The following CNOT4 variants were observed in gnomAD, a reference collection of about 807,000 sequenced individuals.
The protein encoded by CNOT4 is CCR4-associated factor 4.
A neutral mutation model predicts 73.8 loss-of-function variants in CNOT4; 8 were observed. That is an observed-to-expected ratio of 0.11 (90% CI 0.06 to 0.20). The LOEUF is 0.20. CNOT4 is among the 10% of genes least tolerant of loss of function. The pLI, the probability that CNOT4 is intolerant of heterozygous loss-of-function variation, is 1.00. For missense variants in CNOT4, 564 were observed against 883.4 expected (o/e 0.64, Z 4.58); for synonymous variants, 293 against 321.1 (o/e 0.91, Z 0.94).
chr7:135,468,203 G>A (rs1044000806), intron 1 of CNOT4, among the ~76,000 whole-genome samples: 2 of 151,616 alleles, frequency 1.3e-5, no homozygotes, highest in Non-Finnish European at 2.9e-5. Context: ...GCGACAGAGC[G>A]AGACTCTGTC....
At chr7:135,370,932 G>A (rs893721802) in intron 10 of CNOT4, among the ~76,000 whole-genome samples, 2 of 152,100 alleles carry the variant, frequency 1.3e-5, no homozygotes, top group Admixed American at 6.6e-5. Context: ...CTTTTAAAAA[G>A]TCCAACGCAT....
rs1463519767 is a variant in CNOT4 at position 135,422,373 on chromosome 7, A to G, written c.175-20T>C. The G allele has an allele frequency of 2.6e-6, 3 of 1,141,770 alleles. No individual in the cohort carries two copies. The highest frequency in any genetic ancestry group is 4.0e-6 in the Non-Finnish European group (3 of 755,968). 70.7% of individuals were successfully genotyped at this position (1,141,770 alleles called of 1,614,324 possible). A position where few individuals can be genotyped will look rare whatever the true frequency, so the allele number is the denominator to read the frequency against. ...ATATGGCTTTAAGCATGAAACAAAC[A>G]TAGACGTTAGCATTAAATTAATTAA... On this transcript the variant is annotated intron_variant, in intron 2 of 11. Transcript: ENST00000541284.
intron 3 of CNOT4, among the ~76,000 whole-genome samples, chr7:135,419,800 T>TG (rs1194616532): frequency 6.6e-6 from 1 of 151,566 alleles, no homozygotes; most frequent in African/African-American, 2.4e-5. Context: ...CCCAGCACTT[T>TG]GGGGGGCCGA....
chr7:135,433,929 G>A (rs1203234589), intron 2 of CNOT4, among the ~76,000 whole-genome samples: 2 of 152,132 alleles, frequency 1.3e-5, no homozygotes, highest in Non-Finnish European at 2.9e-5. Flanking sequence ...AGGACCAAAC[G>A]GGAACACTAA....
intron 2 of CNOT4, among the ~76,000 whole-genome samples, chr7:135,427,326 CTTTT>C (rs34156131): frequency 6.6e-6 from 1 of 150,642 alleles, no homozygotes; most frequent in Non-Finnish European, 1.5e-5. Flanking sequence ...TATTGAAAAA[CTTTT>C]TTTTTTCCTA....
intron 1 of CNOT4, among the ~76,000 whole-genome samples, chr7:135,464,563 G>A (rs993072341): frequency 1.7e-4 from 26 of 152,026 alleles, no homozygotes; most frequent in Admixed American, 9.2e-4. Context: ...GAAGGAGGGA[G>A]AGGAGCAGAA....
At chr7:135,468,667 C>CA (rs1801380335) in intron 1 of CNOT4, among the ~76,000 whole-genome samples, 1 of 137,788 alleles carries the variant, frequency 7.3e-6, no homozygotes. Flanking sequence ...GCCTGGGTGA[C>CA]GAGCAAGACT....
intron 10 of CNOT4, among the ~76,000 whole-genome samples, chr7:135,372,184 C>G (rs1237523294): frequency 6.6e-6 from 1 of 152,210 alleles, no homozygotes. Context: ...GACGATCTCT[C>G]TTTTCCAAGG....
chr7:135,467,941 C>A (rs540751097), intron 1 of CNOT4, among the ~76,000 whole-genome samples: 3 of 152,192 alleles, frequency 2.0e-5, no homozygotes, highest in African/African-American at 7.2e-5. Context: ...ATCGGCCAGG[C>A]GTGGTGGCTC....
At position 135,395,638 on chromosome 7, in the gene CNOT4, T is replaced by C. The variant is rs1468064073; in HGVS notation, c.1125A>G (p.Thr375=). 1.9e-6 allele frequency: 3 copies of C among 1,613,796 alleles called. No homozygotes were observed. The highest frequency in any genetic ancestry group is 2.5e-6 in the Non-Finnish European group (3 of 1,179,750). Residue 375 remains threonine, a synonymous_variant, in exon 9 of 12, where the codon ACA becomes ACG. Transcript: ENST00000541284. The stretch of plus-strand genomic sequence containing the variant: ...CTTGGTACTATTGTTATATACCTGA[T>C]GTGAAGAGGCTCTGTGGTTCTGGTG... The part of the protein sequence containing the change: ...PTAPEPQSLF[T]SETIPVSSST...
At chr7:135,366,651 C>G (rs1484436418) in intron 10 of CNOT4, among the ~76,000 whole-genome samples, 1 of 152,162 alleles carries the variant, frequency 6.6e-6, no homozygotes, top group Admixed American at 6.5e-5. Flanking sequence ...ATTTTGGGAG[C>G]CTGACAGCAT....
chr7:135,409,375 T>G (rs1797471962), intron 7 of CNOT4, among the ~76,000 whole-genome samples: 1 of 152,328 alleles, frequency 6.6e-6, no homozygotes, highest in East Asian at 1.9e-4. Context: ...TTACATAGTT[T>G]ACTATACAGT....
chr7:135,490,394 T>C (rs1196335904), intron 1 of CNOT4, among the ~76,000 whole-genome samples: 1 of 152,186 alleles, frequency 6.6e-6, no homozygotes, highest in Non-Finnish European at 1.5e-5. Flanking sequence ...GACACTAATC[T>C]TGGCAGAGGT....
intron 10 of CNOT4, among the ~76,000 whole-genome samples, chr7:135,368,268 C>T (rs945205736): frequency 6.6e-6 from 1 of 152,024 alleles, no homozygotes; most frequent in African/African-American, 2.4e-5. Context: ...CCATAGTAAG[C>T]GGATCATGAT....
At chr7:135,382,171 C>T (rs1795879564) in intron 10 of CNOT4, among the ~76,000 whole-genome samples, 1 of 152,110 alleles carries the variant, frequency 6.6e-6, no homozygotes, top group African/African-American at 2.4e-5. Flanking sequence ...TTCTAGGTAC[C>T]TAAACTCGAT....
rs185012472 is a variant in CNOT4, at chr7:135,421,575, A to T, written c.372+581T>A. ...GAGAAAAAAGAGGTACTAAGAAACA[A>T]GGTTAAGCTCTCTCCTCCCCCGAAT... is the stretch of plus-strand genomic sequence containing the variant. On this transcript the variant is annotated intron_variant, in intron 3 of 11. Transcript: ENST00000541284. 2.1e-3 allele frequency among the ~76,000 whole-genome samples: 323 copies of T among 152,304 alleles called. 1 individual carries two copies. The highest frequency in any genetic ancestry group is 7.0e-3 in the African/African-American group (289 of 41,568).
Position 135,509,965 on chromosome 7 carries a change from G to C in CNOT4, c.-169C>G. The C allele has an allele frequency of 2.5e-6, 1 of 399,228 alleles. No individual in the cohort carries two copies. Among genetic ancestry groups the C allele is most frequent in the Non-Finnish European group, 4.4e-6 (1 of 226,250 alleles). 24.7% of individuals were successfully genotyped at this position (399,228 alleles called of 1,614,324 possible). On this transcript the variant is annotated 5_prime_UTR_variant, in exon 1 of 12. Coordinates refer to ENST00000541284, the MANE Select transcript of CNOT4 (RefSeq NM_001190850.2). ...CCTCACAAGAAACCACCGAACGAGC[G>C]TCGGGGAAAAAACTCTTCAGAACCG...
At position 135,413,619 on chromosome 7, in the gene CNOT4, G is replaced by A. The variant is rs1326798177; in HGVS notation, c.562-6C>T. ...TTTGTTGTACCTAGAGATGCCTGCAGGAGGAAGAGGGGTAAAGGAAAAGAA... is the reference window on the plus strand; with the variant it reads ...TTTGTTGTACCTAGAGATGCCTGCAAGAGGAAGAGGGGTAAAGGAAAAGAA... On this transcript the variant is annotated splice_polypyrimidine_tract_variant and splice_region_variant and intron_variant, in intron 5 of 11. Transcript: ENST00000541284. 9 of 1,607,504 alleles carry A rather than the reference G, an allele frequency of 5.6e-6. No homozygotes were observed. The highest frequency in any genetic ancestry group is 5.4e-5 in the African/African-American group (4 of 74,608).
At chr7:135,393,326 G>GT (rs1030391410) in intron 10 of CNOT4, among the ~76,000 whole-genome samples, 9 of 152,126 alleles carry the variant, frequency 5.9e-5, no homozygotes, top group Non-Finnish European at 1.3e-4. Flanking sequence ...AAATGGGAAA[G>GT]TATCTTTCCT....
Sources: gnomAD v4.1 joint callset for allele counts (sites outside exome capture counted in the v4.1 genomes callset) on GRCh38, gnomAD v4.1.1 for gene constraint, MANE v1.5 for transcripts, NCBI Gene and HGNC (gene_info 2026-07-23, HGNC 2026-07-21) for gene names.